The following MON2 variants were observed in gnomAD, a reference collection of about 807,000 sequenced individuals.
The protein encoded by MON2 is protein MON2 homolog.
Under a neutral mutation model 208.6 loss-of-function variants are expected in MON2, and 84 were observed. The observed-to-expected ratio is 0.40, with a 90% confidence interval of 0.34 to 0.48. The LOEUF (loss-of-function observed/expected upper bound fraction) is 0.48, where lower values mean the gene tolerates loss of function less well. Among genes scored for constraint, MON2 ranks in the 20% least tolerant of loss-of-function variants. The pLI is 0.59. For synonymous variants in MON2, 660 were observed against 694.0 expected (o/e 0.95, Z 0.77); for missense variants, 1,611 against 2,015.4 (o/e 0.80, Z 3.84).
Position 62,597,030 on chromosome 12 carries a change from T to C in MON2, c.*4281T>C, listed in dbSNP as rs1400805421. On this transcript the variant is annotated 3_prime_UTR_variant, in exon 35 of 35. Coordinates refer to ENST00000393630, the MANE Select transcript of MON2 (RefSeq NM_015026.3). The stretch of plus-strand genomic sequence containing the variant: ...AGGCATGTTGACTTTTCAAAGCGGT[T>C]TCCTTATTTCTAAACAGAGATGATG... 3 of 152,222 alleles carry C rather than the reference T, an allele frequency of 2.0e-5. No homozygotes were observed. Among genetic ancestry groups the C allele is most frequent in the Non-Finnish European group, 4.4e-5 (3 of 68,042 alleles). 9.4% of individuals were successfully genotyped at this position (152,222 alleles called of 1,614,324 possible).
At position 62,525,429 on chromosome 12, in the gene MON2, C is replaced by T. The variant is rs538948540; in HGVS notation, c.1246+209C>T. On this transcript the variant is annotated intron_variant, in intron 10 of 34. Coordinates refer to ENST00000393630, the MANE Select transcript of MON2 (RefSeq NM_015026.3). ...AGAATAGATTTTCTTCTCTGACATA[C>T]TTTCAGTTTCTCTGATCACATAAGA... Among the ~76,000 whole-genome samples, 7 of 152,230 alleles carry T rather than the reference C, an allele frequency of 4.6e-5. No homozygotes were observed. The East Asian group carries it at 1.4e-3, about 29-fold the overall frequency.
At chr12:62,513,503 GGCATGA>G (rs886548409) in intron 8 of MON2, among the ~76,000 whole-genome samples, 44 of 151,952 alleles carry the variant, frequency 2.9e-4, no homozygotes, top group Non-Finnish European at 5.6e-4. Flanking sequence ...TGGGATTATA[GGCATGA>G]GCCACTGCGC....
At position 62,512,325 on chromosome 12, in the gene MON2, C is replaced by T. The variant is rs541626621; in HGVS notation, c.984+3845C>T. 1.8e-4 allele frequency among the ~76,000 whole-genome samples: 28 copies of T among 152,258 alleles called. No homozygotes were observed. In the South Asian group the frequency reaches 5.2e-3, roughly 28 times the overall value. On this transcript the variant is annotated intron_variant, in intron 8 of 34. Transcript: ENST00000393630. ...TGCCTATGAGCCTGTAAAATCAAAA[C>T]GAGTTAATTACTTCCTAGATACAAT...
intron 22 of MON2, among the ~76,000 whole-genome samples, chr12:62,548,149 A>T (rs2047478): frequency 0.35 from 53,603 of 152,074 alleles, 9,595 homozygotes; most frequent in African/African-American, 0.37. Context: ...TTAATCACAT[A>T]TGAATTTTAT....
At chr12:62,592,372 G>A (rs890405957) in intron 34 of MON2, among the ~76,000 whole-genome samples, 3 of 152,088 alleles carry the variant, frequency 2.0e-5, no homozygotes, top group Admixed American at 1.3e-4. Flanking sequence ...TATTGTTACT[G>A]ATGACTGCAC....
intron 31 of MON2, 39 bp from the exon 32 acceptor site, chr12:62,580,258 A>G: frequency 6.3e-7 from 1 of 1,582,002 alleles, no homozygotes. Flanking sequence ...GTCTCTTTCA[A>G]AGAAAACAAT....
chr12:62,570,140 C>T (rs1029178749), intron 29 of MON2, among the ~76,000 whole-genome samples: 3 of 151,946 alleles, frequency 2.0e-5, no homozygotes, highest in Non-Finnish European at 4.4e-5. Context: ...TTCTGAACCA[C>T]CAAATTAGTT....
chr12:62,588,139 A>C lies in MON2; in HGVS notation c.4973A>C (p.Lys1658Thr), dbSNP rs1468438026. 6.3e-7 allele frequency: 1 copy of C among 1,577,704 alleles called. No individual in the cohort carries two copies. The highest frequency in any genetic ancestry group is 8.7e-7 in the Non-Finnish European group (1 of 1,151,496). ...AGTACTCTTATTGATTCACTTAAGAAAACTCAGCCTGAGAATGGTAAGTGC... is the reference window on the plus strand; with the variant it reads ...AGTACTCTTATTGATTCACTTAAGACAACTCAGCCTGAGAATGGTAAGTGC... ...AVSTLIDSLK[K>T]TQPENVDGNT... The change falls in exon 34 of 35, where the codon AAA (lysine) becomes ACA (threonine). Residue 1658 changes from lysine (K) to threonine (T), a missense_variant. By Grantham distance (78) the Lys-to-Thr change is moderately conservative (BLOSUM62 -1). Transcript: ENST00000393630.
intron 26 of MON2, chr12:62,564,856 T>C (rs1200141508): frequency 6.4e-6 from 1 of 157,062 alleles, no homozygotes; most frequent in South Asian, 1.9e-4. Context: ...TTCAATGAAC[T>C]GATATCACAG....
At chr12:62,545,043 AAT>A (rs1565668856) in intron 21 of MON2, 35 bp downstream of exon 21, 1 of 1,356,104 alleles carries the variant, frequency 7.4e-7, no homozygotes, top group South Asian at 1.4e-5. Flanking sequence ...AAGAATACTC[AAT>A]ATAAAATTAT....
chr12:62,574,320 G>A (rs1158891351), intron 30 of MON2, among the ~76,000 whole-genome samples: 1 of 152,008 alleles, frequency 6.6e-6, no homozygotes, highest in African/African-American at 2.4e-5. Context: ...AATTCTAAAG[G>A]CCAAAACTCT....
At chr12:62,558,330 A>AT (rs2074073092) in intron 25 of MON2, among the ~76,000 whole-genome samples, 1 of 151,988 alleles carries the variant, frequency 6.6e-6, no homozygotes. Context: ...GTCTTTGATA[A>AT]TTTTTTATAA....
At position 62,553,533 on chromosome 12, in the gene MON2, T is replaced by G. The variant is rs965400293; in HGVS notation, c.3210+359T>G. Among the ~76,000 whole-genome samples, 110 of 152,290 alleles carry G rather than the reference T, an allele frequency of 7.2e-4. 2 individuals carry two copies. Among genetic ancestry groups the G allele is most frequent in the African/African-American group, 2.6e-3 (108 of 41,570 alleles). On this transcript the variant is annotated intron_variant, in intron 24 of 34. Transcript: ENST00000393630. ...ATAGAGTAGAAAGCTTTTGGGGTTT[T>G]TGTTTGTTTTACTTTTGAGGTCTAC... is the stretch of plus-strand genomic sequence containing the variant.
intron 12 of MON2, among the ~76,000 whole-genome samples, chr12:62,533,777 C>T (rs983033405): frequency 6.6e-6 from 1 of 152,194 alleles, no homozygotes; most frequent in Non-Finnish European, 1.5e-5. Flanking sequence ...CACATACACA[C>T]ACCCCCACAC....
At chr12:62,490,845 A>C (rs746161084) in intron 2 of MON2, among the ~76,000 whole-genome samples, 1 of 152,160 alleles carries the variant, frequency 6.6e-6, no homozygotes, top group Non-Finnish European at 1.5e-5. Context: ...ATTAATTTCT[A>C]TTACTATCGT....
At chr12:62,582,918 A>C (rs1206027173) in intron 32 of MON2, among the ~76,000 whole-genome samples, 3 of 152,232 alleles carry the variant, frequency 2.0e-5, no homozygotes, top group Non-Finnish European at 4.4e-5. Context: ...AAATGAAGAG[A>C]GAGTAAAAGA....
intron 13 of MON2, 23 bp downstream of exon 13, chr12:62,534,949 A>C: frequency 6.6e-7 from 1 of 1,507,062 alleles, no homozygotes. Context: ...TGTAAGTTTT[A>C]TATTGAACTG....
rs369502388 is a variant in MON2 at position 62,551,753 on chromosome 12, A to G, written c.2917-1128A>G. Reference sequence around the variant, plus strand: ...AATCTTAGAGAATTGTTAACATTACATGAAATAAACATGCACAGAATTGTT... The same window carrying G: ...AATCTTAGAGAATTGTTAACATTACGTGAAATAAACATGCACAGAATTGTT... On this transcript the variant is annotated intron_variant, in intron 23 of 34. Coordinates refer to ENST00000393630, the MANE Select transcript of MON2 (RefSeq NM_015026.3). Among the ~76,000 whole-genome samples the G allele has an allele frequency of 3.3e-5, 5 of 152,270 alleles. No individual in the cohort carries two copies. In the South Asian group the frequency reaches 8.3e-4, roughly 25 times the overall value.
At chr12:62,586,183 G>A (rs1362226477) in intron 33 of MON2, among the ~76,000 whole-genome samples, 2 of 152,178 alleles carry the variant, frequency 1.3e-5, no homozygotes, top group East Asian at 3.8e-4. Context: ...AACTAATGAA[G>A]CAAACAGAAA....
Sources: allele counts gnomAD v4.1 joint callset (sites outside exome capture counted in the v4.1 genomes callset), GRCh38; gene constraint gnomAD v4.1.1; transcripts MANE v1.5; gene names NCBI Gene and HGNC (gene_info 2026-07-23, HGNC 2026-07-21).